STK32B: variants seen among roughly 807,000 people sequenced by gnomAD.
The protein encoded by STK32B is serine/threonine kinase 32B.
A neutral mutation model predicts 52.6 loss-of-function variants in STK32B; 43 were observed. The ratio of observed to expected loss-of-function variants is 0.82; its 90% CI spans 0.64 to 1.05. STK32B has a LOEUF of 1.05. Ranked by LOEUF, STK32B falls within the 50% of genes least tolerant of loss-of-function variation. The pLI is 0.00. For synonymous variants in STK32B, 238 were observed against 204.3 expected, an observed-to-expected ratio of 1.17 and a Z score of -1.41; for missense variants, 621 against 534.6, an observed-to-expected ratio of 1.16 and a Z score of -1.59.
chr4:5,163,586 G>GTA (rs1400578662), intron 2 of STK32B, among the ~76,000 whole-genome samples: 2 of 151,094 alleles, frequency 1.3e-5, no homozygotes, highest in Admixed American at 6.6e-5. Flanking sequence ...GTGTGTAAGA[G>GTA]AGAGAGAGAG....
At chr4:5,081,815 A>G (rs945073506) in intron 1 of STK32B, among the ~76,000 whole-genome samples, 3 of 152,256 alleles carry the variant, frequency 2.0e-5, no homozygotes, top group East Asian at 3.9e-4. Flanking sequence ...GTGTTCTCCT[A>G]TACCTCACTG....
chr4:5,125,716 C>G (rs542740594), intron 1 of STK32B, among the ~76,000 whole-genome samples: 1 of 152,336 alleles, frequency 6.6e-6, no homozygotes, highest in East Asian at 1.9e-4. Flanking sequence ...TGTTCTCTCA[C>G]TTTCTATCTG....
At chr4:5,149,602 C>CT (rs1288046200) in intron 2 of STK32B, among the ~76,000 whole-genome samples, 1 of 151,768 alleles carries the variant, frequency 6.6e-6, no homozygotes, top group Admixed American at 6.6e-5. Context: ...ATGTGAAAAC[C>CT]TTACAACTGT....
intron 7 of STK32B, among the ~76,000 whole-genome samples, chr4:5,455,155 T>G (rs1716384107): frequency 6.6e-6 from 1 of 152,178 alleles, no homozygotes; most frequent in South Asian, 2.1e-4. Context: ...GCCTCCTGTT[T>G]GGTAAAGATA....
At chr4:5,057,783 A>G (rs1742064743) in intron 1 of STK32B, among the ~76,000 whole-genome samples, 1 of 152,210 alleles carries the variant, frequency 6.6e-6, no homozygotes, top group Admixed American at 6.5e-5. Flanking sequence ...ACCATTATCT[A>G]AAATCTGGAC....
At chr4:5,401,284 G>T (rs1390986946) in intron 5 of STK32B, among the ~76,000 whole-genome samples, 5 of 152,114 alleles carry the variant, frequency 3.3e-5, no homozygotes, top group Non-Finnish European at 4.4e-5. Context: ...TTTGTAAACT[G>T]CATGACAAAA....
intron 4 of STK32B, among the ~76,000 whole-genome samples, chr4:5,397,279 G>A (rs11944496): frequency 0.019 from 2,929 of 152,270 alleles, 85 homozygotes; most frequent in African/African-American, 0.064. Flanking sequence ...GTGTGTACAC[G>A]TCAATAATAA....
intron 3 of STK32B, among the ~76,000 whole-genome samples, chr4:5,279,263 G>T (rs1427890780): frequency 6.6e-6 from 1 of 152,208 alleles, no homozygotes; most frequent in Non-Finnish European, 1.5e-5. Flanking sequence ...TACAGGCATT[G>T]GGTAAATGCC....
At chr4:5,139,631 G>T (rs535163659) in intron 1 of STK32B, 21 of 441,798 alleles carry the variant, frequency 4.8e-5, no homozygotes, top group African/African-American at 3.5e-4. Flanking sequence ...CCAGGCAGAA[G>T]TGGGGTAGAG....
intron 11 of STK32B, among the ~76,000 whole-genome samples, chr4:5,478,268 C>T (rs777437264): frequency 1.4e-4 from 21 of 152,196 alleles, no homozygotes; most frequent in Non-Finnish European, 2.8e-4. Flanking sequence ...ACTCAGAAAC[C>T]AGAGACTGCT....
chr4:5,052,700 C>G (rs1476277245), intron 1 of STK32B, among the ~76,000 whole-genome samples: 1 of 152,176 alleles, frequency 6.6e-6, no homozygotes, highest in Non-Finnish European at 1.5e-5. Context: ...TGAAGCTTAA[C>G]CACTAGTAAT....
At chr4:5,019,642 A>C in the STK32B span, among the ~76,000 whole-genome samples, 1 of 152,136 alleles carries the variant, frequency 6.6e-6, no homozygotes, top group Admixed American at 6.5e-5. Context: ...CCAGGTTAAG[A>C]GGAGGGGCTG....
chr4:5,311,866 C>T (rs1429717950), intron 3 of STK32B, among the ~76,000 whole-genome samples: 1 of 151,496 alleles, frequency 6.6e-6, no homozygotes, highest in African/African-American at 2.4e-5. Flanking sequence ...CAGTTTTACA[C>T]AGTTTCTTCT....
At chr4:5,250,581 A>G (rs1189988268) in intron 3 of STK32B, among the ~76,000 whole-genome samples, 5 of 152,028 alleles carry the variant, frequency 3.3e-5, no homozygotes, top group African/African-American at 9.7e-5. Context: ...CCAAAGTGCT[A>G]GGATTACAGG....
intron 2 of STK32B, among the ~76,000 whole-genome samples, chr4:5,141,444 C>A (rs567296542): frequency 7.9e-5 from 12 of 152,290 alleles, no homozygotes; most frequent in African/African-American, 2.9e-4. Flanking sequence ...TCAGTGAAGT[C>A]GGCGAGGCCC....
At chr4:5,129,522 C>G (rs938012112) in intron 1 of STK32B, among the ~76,000 whole-genome samples, 2 of 152,174 alleles carry the variant, frequency 1.3e-5, no homozygotes, top group African/African-American at 4.8e-5. Flanking sequence ...AAACTTTTCT[C>G]TTCAAAACTT....
intron 5 of STK32B, among the ~76,000 whole-genome samples, chr4:5,414,310 A>G (rs186683584): frequency 3.9e-5 from 6 of 151,990 alleles, no homozygotes. Flanking sequence ...TATCTTAAAT[A>G]ATATATTTTT....
chr4:5,138,964 A>G (rs931068788), intron 1 of STK32B, among the ~76,000 whole-genome samples: 5 of 152,144 alleles, frequency 3.3e-5, no homozygotes, highest in Admixed American at 3.3e-4. Flanking sequence ...ACTGAGAGCA[A>G]TGGAGGGGAC....
At chr4:5,317,326 T>C (rs1451313930) in intron 3 of STK32B, among the ~76,000 whole-genome samples, 1 of 53,884 alleles carries the variant, frequency 1.9e-5, no homozygotes, top group Non-Finnish European at 2.8e-5. Flanking sequence ...GTATAATATA[T>C]ATTACATATA....
Sources: gnomAD v4.1 joint callset for allele counts (sites outside exome capture counted in the v4.1 genomes callset) on GRCh38, gnomAD v4.1.1 for gene constraint, MANE v1.5 for transcripts, NCBI Gene and HGNC (gene_info 2026-07-23, HGNC 2026-07-21) for gene names.